The following BCL11B variants were observed in gnomAD, a reference collection of about 807,000 sequenced individuals.
The protein encoded by BCL11B is B-cell lymphoma/leukemia 11B.
A neutral mutation model predicts 49.9 loss-of-function variants in BCL11B; 8 were observed. The ratio of observed to expected loss-of-function variants is 0.16; its 90% confidence interval spans 0.09 to 0.29. The LOEUF is 0.29. Ranked by LOEUF, BCL11B falls within the 10% of genes least tolerant of loss-of-function variation. The probability of loss-of-function intolerance (pLI) is 1.00; values close to 1 mark genes in which losing one functional copy is unlikely to be tolerated. For synonymous variants in BCL11B, 739 were observed against 637.4 expected, an observed-to-expected ratio of 1.16 and a Z score of -2.40; for missense variants, 1,006 against 1,351.0, an observed-to-expected ratio of 0.74 and a Z score of 4.00.
chr14:99,258,712 T>C (rs1193010512), intron 1 of BCL11B, among the ~76,000 whole-genome samples: 1 of 152,140 alleles, frequency 6.6e-6, no homozygotes, highest in African/African-American at 2.4e-5. Context: ...TCTGTAGATT[T>C]CCCCCACACT....
intron 2 of BCL11B, among the ~76,000 whole-genome samples, chr14:99,245,986 CT>C (rs1217618078): frequency 2.0e-5 from 3 of 152,142 alleles, no homozygotes; most frequent in Admixed American, 2.0e-4. Context: ...GACTCCAGGG[CT>C]GCAGAGTGCT....
At position 99,231,809 on chromosome 14, in the gene BCL11B, G is replaced by A. The variant is rs557106779; in HGVS notation, c.428-252C>T. Among the ~76,000 whole-genome samples the A allele has an allele frequency of 3.6e-3, 544 of 152,098 alleles. 4 individuals are homozygous for A. The highest frequency in any genetic ancestry group is 6.1e-3 in the Non-Finnish European group (416 of 67,922). On this transcript the variant is annotated intron_variant, in intron 2 of 3. Transcript: ENST00000357195. The surrounding 1 kb of genome is among the most constrained non-coding windows in gnomAD (Gnocchi z 8.1). ...CCAGGCTGGGCTGTCGGGGAGGCAG[G>A]ACCCCGCCTCTGGGGGCCTGGTGCA...
rs1264150421 is a variant in BCL11B, at chr14:99,172,070, C to T, written c.*2081G>A. 1 of 218,046 alleles carries T rather than the reference C, an allele frequency of 4.6e-6. No homozygotes were observed. The highest frequency in any genetic ancestry group is 6.8e-5 in the East Asian group (1 of 14,734). 13.5% of individuals were successfully genotyped at this position (218,046 alleles called of 1,614,324 possible). On this transcript the variant is annotated 3_prime_UTR_variant, in exon 4 of 4. Transcript: ENST00000357195. The stretch of plus-strand genomic sequence containing the variant: ...AAAAAAGATCGCTCCAACACACATA[C>T]ACACAATTTTTTTTTTACCCTTGTA...
At chr14:99,256,106 A>G (rs1240662150) in intron 2 of BCL11B, among the ~76,000 whole-genome samples, 1 of 152,210 alleles carries the variant, frequency 6.6e-6, no homozygotes, top group Non-Finnish European at 1.5e-5. Flanking sequence ...ACAGGCTTGC[A>G]GCATTACCCT....
chr14:99,249,357 G>A (rs953101682), intron 2 of BCL11B, among the ~76,000 whole-genome samples: 2 of 152,084 alleles, frequency 1.3e-5, no homozygotes, highest in African/African-American at 2.4e-5. Context: ...ATGGGTAAAC[G>A]TGTGCCATGG....
chr14:99,190,109 G>A (rs765209597), intron 3 of BCL11B, among the ~76,000 whole-genome samples: 6 of 152,210 alleles, frequency 3.9e-5, no homozygotes, highest in African/African-American at 7.2e-5. Flanking sequence ...CCTGGCACCC[G>A]ACCCTACTGG....
At chr14:99,181,235 T>C (rs939834069) in intron 3 of BCL11B, among the ~76,000 whole-genome samples, 3 of 152,096 alleles carry the variant, frequency 2.0e-5, no homozygotes, top group African/African-American at 4.8e-5. Flanking sequence ...TATCCTGAGG[T>C]TGGGGGGCTA....
rs67440207 is a variant in BCL11B, at chr14:99,255,405, GAA to G, written c.427+2064_427+2065del. Among the ~76,000 whole-genome samples, 460 of 65,182 alleles carry G rather than the reference GAA, an allele frequency of 7.1e-3. 8 individuals carry two copies. Among genetic ancestry groups the G allele is most frequent in the South Asian group, 0.022 (29 of 1,304 alleles). 42.8% of individuals were successfully genotyped at this position (65,182 alleles called of 152,430 possible). The stretch of plus-strand genomic sequence containing the variant: ...TAGGCTGCTGCAGTATCACAACCTG[GAA>G]AAAAAAAAAAAAAAAAAAAAAAAAA... On this transcript the variant is annotated intron_variant, in intron 2 of 3. Transcript: ENST00000357195.
intron 3 of BCL11B, among the ~76,000 whole-genome samples, chr14:99,207,046 A>G (rs1427088324): frequency 6.6e-6 from 1 of 152,236 alleles, no homozygotes; most frequent in African/African-American, 2.4e-5. Flanking sequence ...ACTTTCTTTC[A>G]TAAGTGAATC....
rs1886223206 is a variant in BCL11B, at chr14:99,169,618, C to T, written c.*4533G>A. On this transcript the variant is annotated 3_prime_UTR_variant, in exon 4 of 4. Transcript: ENST00000357195. The stretch of plus-strand genomic sequence containing the variant: ...AACCTCCAAGTAAACAACAAAAGCT[C>T]ATACAATAAGTAATAGAAAAGGTAA... 2 of 210,710 alleles carry T rather than the reference C, an allele frequency of 9.5e-6. 1 individual carries two copies. Among genetic ancestry groups the T allele is most frequent in the Non-Finnish European group, 1.9e-5 (2 of 103,608 alleles). The allele number at this position is 210,710 out of a possible 1,614,324, so 13.1% of individuals were successfully genotyped here. A position where few individuals can be genotyped will look rare whatever the true frequency, so the allele number is the denominator to read the frequency against.
chr14:99,271,532 G>GAA lies in BCL11B; in HGVS notation c.-315_-314insTT, dbSNP rs1889690348. 1 of 182,770 alleles carries GAA rather than the reference G, an allele frequency of 5.5e-6. No individual in the cohort carries two copies. Among genetic ancestry groups the GAA allele is most frequent in the Non-Finnish European group, 1.1e-5 (1 of 87,830 alleles). 11.3% of individuals were successfully genotyped at this position (182,770 alleles called of 1,614,324 possible). Reference sequence around the variant, plus strand: ...AAAAGAGGCAAAAAAAAAAAAAACTGCTGTTGCTTTCCGCGGACTGGCTGG... The same window carrying GAA: ...AAAAGAGGCAAAAAAAAAAAAAACTGAACTGTTGCTTTCCGCGGACTGGCTGG... On this transcript the variant is annotated 5_prime_UTR_variant, in exon 1 of 4. Transcript: ENST00000357195.
chr14:99,200,064 G>A (rs1013476969), intron 3 of BCL11B, among the ~76,000 whole-genome samples: 8 of 151,120 alleles, frequency 5.3e-5, no homozygotes, highest in Non-Finnish European at 3.0e-5. Flanking sequence ...TCCATCCCTC[G>A]GCTTCAAAAG....
intron 3 of BCL11B, among the ~76,000 whole-genome samples, chr14:99,181,864 G>A (rs755120908): frequency 2.6e-5 from 4 of 152,166 alleles, no homozygotes; most frequent in East Asian, 3.9e-4. Context: ...TGGTTTCACC[G>A]GCCAACCACT....
chr14:99,234,478 C>T (rs930513908), intron 2 of BCL11B, among the ~76,000 whole-genome samples: 1 of 152,162 alleles, frequency 6.6e-6, no homozygotes, highest in South Asian at 2.1e-4. Context: ...CACCCACACA[C>T]GCACAGAGGA....
intron 1 of BCL11B, among the ~76,000 whole-genome samples, chr14:99,260,700 G>T (rs1889310874): frequency 6.7e-6 from 1 of 149,180 alleles, no homozygotes; most frequent in Non-Finnish European, 1.5e-5. Flanking sequence ...CCTTTTTTTG[G>T]CAGTCTCTGC....
rs1427145375 is a variant in BCL11B, at chr14:99,262,178, C to T, written c.59-4339G>A. ...GCTGCAAGCTTTCAGCAGGGCCTTA[C>T]CTGGCCAGTGACTCCCCCACACACA... On this transcript the variant is annotated intron_variant, in intron 1 of 3. Transcript: ENST00000357195. The surrounding 1 kb of genome is among the most constrained non-coding windows in gnomAD (Gnocchi z 4.2). Among the ~76,000 whole-genome samples, 3 of 152,248 alleles carry T rather than the reference C, an allele frequency of 2.0e-5. No individual in the cohort carries two copies. Among genetic ancestry groups the T allele is most frequent in the Admixed American group, 1.3e-4 (2 of 15,288 alleles).
intron 3 of BCL11B, among the ~76,000 whole-genome samples, chr14:99,204,916 A>C (rs1286933121): frequency 6.6e-6 from 1 of 152,248 alleles, no homozygotes; most frequent in African/African-American, 2.4e-5. Context: ...TGGGCAAAGC[A>C]AAACACAGAC....
Position 99,174,052 on chromosome 14 carries a change from G to A in BCL11B, c.*99C>T. On this transcript the variant is annotated 3_prime_UTR_variant, in exon 4 of 4. Coordinates refer to ENST00000357195, the MANE Select transcript of BCL11B (RefSeq NM_138576.4). Reference sequence around the variant, plus strand: ...CTCCCCTGGGCCCCGGGGACACGCGGGGTGCGGGGTGGCGGTGACACGGAG... The same window carrying A: ...CTCCCCTGGGCCCCGGGGACACGCGAGGTGCGGGGTGGCGGTGACACGGAG... The A allele has an allele frequency of 7.9e-7, 1 of 1,261,626 alleles. No individual in the cohort carries two copies. Among genetic ancestry groups the A allele is most frequent in the Non-Finnish European group, 1.1e-6 (1 of 909,956 alleles). 78.2% of individuals were successfully genotyped at this position (1,261,626 alleles called of 1,614,324 possible).
intron 2 of BCL11B, among the ~76,000 whole-genome samples, chr14:99,234,660 C>T (rs1888437781): frequency 6.6e-6 from 1 of 152,036 alleles, no homozygotes; most frequent in Non-Finnish European, 1.5e-5. Context: ...GCCGGAGATC[C>T]AGGAAACTCA....
Sources: allele counts gnomAD v4.1 joint callset (sites outside exome capture counted in the v4.1 genomes callset), GRCh38; gene constraint gnomAD v4.1.1; non-coding constraint Gnocchi (gnomAD v3.1); transcripts MANE v1.5; gene names NCBI Gene and HGNC (gene_info 2026-07-23, HGNC 2026-07-21).